The following NTN1 variants were observed in gnomAD, a reference collection of about 807,000 sequenced individuals.
The protein encoded by NTN1 is netrin-1.
Under a neutral mutation model 54.2 loss-of-function variants are expected in NTN1, and 11 were observed. The observed-to-expected ratio is 0.20, with a 90% CI of 0.13 to 0.34. NTN1 has a LOEUF of 0.34. NTN1 is among the 10% of genes least tolerant of loss of function. The pLI, the probability that NTN1 is intolerant of heterozygous loss-of-function variation, is 1.00. For synonymous variants in NTN1, 371 were observed against 382.0 expected, an observed-to-expected ratio of 0.97 and a Z score of 0.33; for missense variants, 740 against 893.1, an observed-to-expected ratio of 0.83 and a Z score of 2.18.
intron 6 of NTN1, among the ~76,000 whole-genome samples, chr17:9,228,167 G>C (rs933318204): frequency 1.3e-5 from 2 of 152,168 alleles, no homozygotes; most frequent in East Asian, 3.9e-4. Context: ...GTTGCAGCCT[G>C]AGGTGGGCAC....
intron 2 of NTN1, among the ~76,000 whole-genome samples, chr17:9,078,586 G>C (rs1478175101): frequency 6.6e-6 from 1 of 152,218 alleles, no homozygotes; most frequent in Non-Finnish European, 1.5e-5. Context: ...TTATGGCTGA[G>C]GTTTTATGTT....
At chr17:9,057,876 T>C (rs978905339) in intron 2 of NTN1, among the ~76,000 whole-genome samples, 3 of 152,248 alleles carry the variant, frequency 2.0e-5, no homozygotes, top group African/African-American at 7.2e-5. Context: ...TAAATGTTTC[T>C]CCCATCATCT....
intron 2 of NTN1, among the ~76,000 whole-genome samples, chr17:9,026,902 AACCCAAAACCCAC>A (rs11273201): frequency 0.23 from 35,183 of 151,982 alleles, 5,152 homozygotes; most frequent in East Asian, 0.53. Flanking sequence ...GCTCAGCTGT[AACCCAAAACCCAC>A]ACAAAAGGTG....
intron 2 of NTN1, among the ~76,000 whole-genome samples, chr17:9,023,913 G>T (rs1290905299): frequency 6.6e-6 from 1 of 152,190 alleles, no homozygotes; most frequent in African/African-American, 2.4e-5. Flanking sequence ...CCCTCCATTT[G>T]TCTTTTCATG....
At chr17:9,078,018 C>A (rs1163387063) in intron 2 of NTN1, among the ~76,000 whole-genome samples, 1 of 152,160 alleles carries the variant, frequency 6.6e-6, no homozygotes, top group East Asian at 1.9e-4. Flanking sequence ...CTCCTTGTCA[C>A]CACTCAGTAT....
At chr17:9,215,861 T>A (rs1905207015) in intron 5 of NTN1, among the ~76,000 whole-genome samples, 2 of 152,252 alleles carry the variant, frequency 1.3e-5, no homozygotes, top group Admixed American at 1.3e-4. Context: ...ATGTAGGTTG[T>A]CTTTTTCCTC....
Position 9,224,739 on chromosome 17 carries a change from C to T in NTN1, c.1486+3497C>T, listed in dbSNP as rs117985957. Among the ~76,000 whole-genome samples the T allele has an allele frequency of 3.8e-4, 58 of 152,196 alleles. No homozygotes were observed. The East Asian group carries it at 0.01, about 27-fold the overall frequency. On this transcript the variant is annotated intron_variant, in intron 6 of 6. Transcript: ENST00000173229. ...TGCCCCCACACCCATGGCCCAGGCG[C>T]GTCACCCAGCTGTCCACATTTCTGC...
intron 2 of NTN1, among the ~76,000 whole-genome samples, chr17:9,030,833 T>G (rs1475780530): frequency 1.3e-5 from 2 of 152,092 alleles, no homozygotes. Flanking sequence ...CAAGTAAATT[T>G]GTTGGGTGAG....
chr17:9,016,073 A>T, the NTN1 span, among the ~76,000 whole-genome samples: 2 of 138,512 alleles, frequency 1.4e-5, no homozygotes, highest in African/African-American at 6.3e-5. Flanking sequence ...AAATTTATCT[A>T]AAAAAAAAAG....
At chr17:9,123,541 G>T (rs1381715577) in intron 2 of NTN1, among the ~76,000 whole-genome samples, 1 of 152,092 alleles carries the variant, frequency 6.6e-6, no homozygotes, top group Non-Finnish European at 1.5e-5. Context: ...CTTCAGAAAG[G>T]CCTTCTTGAT....
intron 2 of NTN1, among the ~76,000 whole-genome samples, chr17:9,053,941 C>T (rs969985920): frequency 1.3e-5 from 2 of 152,190 alleles, no homozygotes; most frequent in Admixed American, 6.5e-5. Flanking sequence ...CACGTAGTCC[C>T]CCTCACTCAA....
chr17:9,106,456 C>T (rs1043697297), intron 2 of NTN1, among the ~76,000 whole-genome samples: 3 of 116,808 alleles, frequency 2.6e-5, no homozygotes, highest in Non-Finnish European at 6.2e-5. Context: ...GCATTTCCTT[C>T]CTTCCTTCCT....
intron 3 of NTN1, among the ~76,000 whole-genome samples, chr17:9,170,437 C>G (rs922173459): frequency 6.6e-6 from 1 of 152,150 alleles, no homozygotes; most frequent in South Asian, 2.1e-4. Context: ...GAGTGGTGGC[C>G]CTCAGGAGAA....
chr17:9,037,456 A>G (rs1427722922), intron 2 of NTN1, among the ~76,000 whole-genome samples: 1 of 152,152 alleles, frequency 6.6e-6, no homozygotes, highest in Non-Finnish European at 1.5e-5. Context: ...CACTGCTGTT[A>G]GTTATGGAAA....
intron 2 of NTN1, among the ~76,000 whole-genome samples, chr17:9,053,072 C>A (rs966095339): frequency 6.6e-6 from 1 of 152,200 alleles, no homozygotes; most frequent in Admixed American, 6.5e-5. Context: ...AAACTGTAGC[C>A]CGTGGGCCAA....
At chr17:9,192,145 T>C (rs147726895) in intron 5 of NTN1, among the ~76,000 whole-genome samples, 46 of 152,308 alleles carry the variant, frequency 3.0e-4, no homozygotes, top group African/African-American at 1.1e-3. Flanking sequence ...TATCAAAAGG[T>C]ATCCATGACC....
intron 5 of NTN1, among the ~76,000 whole-genome samples, chr17:9,202,056 A>ACACACACACACACACACAC (rs553874657): frequency 4.9e-4 from 7 of 14,292 alleles, no homozygotes; most frequent in East Asian, 2.9e-3. Context: ...ACACACACAC[A>ACACACACACACACACACAC]AAAAAAAAAA....
chr17:9,225,633 G>T (rs1597547928), intron 6 of NTN1, among the ~76,000 whole-genome samples: 1 of 152,204 alleles, frequency 6.6e-6, no homozygotes, highest in Non-Finnish European at 1.5e-5. Flanking sequence ...ACTTGGGCCA[G>T]CCCAGGGAGA....
chr17:9,236,584 C>A (rs1905999401), intron 6 of NTN1, among the ~76,000 whole-genome samples: 1 of 152,198 alleles, frequency 6.6e-6, no homozygotes. Context: ...TGAGTCCTAC[C>A]ACTACCTGTC....
Sources: allele counts gnomAD v4.1 joint callset (sites outside exome capture counted in the v4.1 genomes callset), GRCh38; gene constraint gnomAD v4.1.1; transcripts MANE v1.5; gene names NCBI Gene and HGNC (gene_info 2026-07-23, HGNC 2026-07-21).